The following UNC13C variants were observed in gnomAD, a reference collection of about 807,000 sequenced individuals.
UNC13C encodes protein unc-13 homolog C.
Under a neutral mutation model 245.4 loss-of-function variants are expected in UNC13C, and 174 were observed. The observed-to-expected ratio is 0.71, with a 90% CI of 0.63 to 0.80. The LOEUF (loss-of-function observed/expected upper bound fraction) is 0.80, where lower values mean the gene tolerates loss of function less well. Ranked by LOEUF, UNC13C falls within the 30% of genes least tolerant of loss-of-function variation. The pLI, the probability that UNC13C is intolerant of heterozygous loss-of-function variation, is 0.00. For missense variants in UNC13C, 2,829 were observed against 2,602.9 expected (o/e 1.09, Z -1.89); for synonymous variants, 992 against 895.1 (o/e 1.11, Z -1.93).
At chr15:54,561,236 G>T (rs547355123) in intron 29 of UNC13C, among the ~76,000 whole-genome samples, 5 of 151,870 alleles carry the variant, frequency 3.3e-5, no homozygotes, top group African/African-American at 9.7e-5. Flanking sequence ...ATTCTCTCCG[G>T]GAGTTTCTAG....
intron 2 of UNC13C, among the ~76,000 whole-genome samples, chr15:54,118,202 G>A (rs12899909): frequency 6.6e-6 from 1 of 151,778 alleles, no homozygotes; most frequent in African/African-American, 2.4e-5. Flanking sequence ...AATAGTATTG[G>A]CATTTTCATA....
chr15:54,141,119 A>G (rs530317373), intron 2 of UNC13C, among the ~76,000 whole-genome samples: 2 of 152,280 alleles, frequency 1.3e-5, no homozygotes, highest in East Asian at 3.9e-4. Context: ...CAGATTTGAA[A>G]TCAGATCTTA....
chr15:54,493,104 A>G (rs1893795729), intron 19 of UNC13C, among the ~76,000 whole-genome samples: 1 of 152,162 alleles, frequency 6.6e-6, no homozygotes, highest in African/African-American at 2.4e-5. Context: ...GGTCTCCATG[A>G]TCTGGGTTTC....
At chr15:54,140,107 A>G (rs1193449897) in intron 2 of UNC13C, among the ~76,000 whole-genome samples, 1 of 152,114 alleles carries the variant, frequency 6.6e-6, no homozygotes, top group Non-Finnish European at 1.5e-5. Flanking sequence ...TTCATCTCAT[A>G]GTGCTTCTTT....
chr15:53,873,502 C>T, the UNC13C span, among the ~76,000 whole-genome samples: 1 of 152,136 alleles, frequency 6.6e-6, no homozygotes. Flanking sequence ...TGCTCCACAG[C>T]CACACTGCTT....
the UNC13C span, among the ~76,000 whole-genome samples, chr15:53,867,645 G>A: frequency 6.6e-6 from 1 of 152,194 alleles, no homozygotes; most frequent in Non-Finnish European, 1.5e-5. Context: ...CTCTGGTCCT[G>A]TGGATGATGG....
At chr15:54,527,244 C>T (rs1179155792) in intron 25 of UNC13C, among the ~76,000 whole-genome samples, 2 of 152,164 alleles carry the variant, frequency 1.3e-5, no homozygotes, top group Non-Finnish European at 2.9e-5. Context: ...CTTGGGGTGA[C>T]ACTGAGAGAT....
At chr15:54,454,077 A>G (rs1248582235) in intron 19 of UNC13C, among the ~76,000 whole-genome samples, 1 of 152,026 alleles carries the variant, frequency 6.6e-6, no homozygotes. Flanking sequence ...GTTTACCCAT[A>G]TTGTAACATG....
intron 2 of UNC13C, among the ~76,000 whole-genome samples, chr15:54,128,287 C>G (rs2031189521): frequency 6.6e-6 from 1 of 152,192 alleles, no homozygotes; most frequent in Admixed American, 6.5e-5. Flanking sequence ...GAAAAACATT[C>G]TATGCTCACA....
intron 4 of UNC13C, among the ~76,000 whole-genome samples, chr15:54,204,251 G>A (rs1474507199): frequency 7.3e-6 from 1 of 136,660 alleles, no homozygotes; most frequent in Admixed American, 8.0e-5. Context: ...ACTTATTCAT[G>A]TAACCAAACA....
intron 20 of UNC13C, among the ~76,000 whole-genome samples, chr15:54,496,509 C>T (rs1838744881): frequency 1.3e-5 from 2 of 152,058 alleles, no homozygotes; most frequent in South Asian, 4.1e-4. Flanking sequence ...ATGTTTATAG[C>T]AGCACAATTC....
intron 19 of UNC13C, among the ~76,000 whole-genome samples, chr15:54,440,232 T>C (rs1449605276): frequency 1.3e-5 from 2 of 152,000 alleles, no homozygotes; most frequent in African/African-American, 4.8e-5. Context: ...TCCATCATGA[T>C]TGTAAGTTTC....
At chr15:54,308,229 A>G (rs968936600) in intron 13 of UNC13C, among the ~76,000 whole-genome samples, 4 of 151,952 alleles carry the variant, frequency 2.6e-5, no homozygotes, top group Non-Finnish European at 4.4e-5. Context: ...TTGTTCAACA[A>G]TAGCAAGTGA....
At chr15:54,595,894 ATTATACTAG>A in intron 30 of UNC13C, among the ~76,000 whole-genome samples, 1 of 152,298 alleles carries the variant, frequency 6.6e-6, no homozygotes. Context: ...TTTTCCATTC[ATTATACTAG>A]TTACTCAATC....
chr15:54,123,358 C>G (rs939113874), intron 2 of UNC13C, among the ~76,000 whole-genome samples: 1 of 151,070 alleles, frequency 6.6e-6, no homozygotes, highest in Non-Finnish European at 1.5e-5. Context: ...TTTATATATA[C>G]TTATATATAC....
chr15:54,255,099 T>G (rs1463855531), intron 8 of UNC13C, among the ~76,000 whole-genome samples: 1 of 152,110 alleles, frequency 6.6e-6, no homozygotes, highest in Non-Finnish European at 1.5e-5. Flanking sequence ...CGGCAGTGTC[T>G]AGAGGTGAAT....
intron 13 of UNC13C, chr15:54,321,428 C>T (rs1288735595): frequency 6.1e-6 from 3 of 494,722 alleles, no homozygotes; most frequent in Non-Finnish European, 1.2e-5. Context: ...TCTTTGTTTC[C>T]ACAACTCTTG....
At chr15:54,403,534 G>C (rs1197167062) in intron 18 of UNC13C, among the ~76,000 whole-genome samples, 1 of 151,886 alleles carries the variant, frequency 6.6e-6, no homozygotes, top group African/African-American at 2.4e-5. Flanking sequence ...TCAGTACATA[G>C]TGAGACCCCG....
intron 2 of UNC13C, among the ~76,000 whole-genome samples, chr15:54,114,525 T>C (rs904446781): frequency 6.6e-6 from 1 of 152,192 alleles, no homozygotes; most frequent in African/African-American, 2.4e-5. Context: ...CATGGATGCC[T>C]ATCAGTCTAA....
Sources: gnomAD v4.1 joint callset for allele counts (sites outside exome capture counted in the v4.1 genomes callset) on GRCh38, gnomAD v4.1.1 for gene constraint, MANE v1.5 for transcripts, NCBI Gene and HGNC (gene_info 2026-07-23, HGNC 2026-07-21) for gene names.